Variants in ABCC9 observed in about 807,000 individuals in gnomAD.
ABCC9 encodes ATP binding cassette subfamily C member 9.
Under a neutral mutation model 188.3 loss-of-function variants are expected in ABCC9, and 95 were observed. That is an observed-to-expected ratio of 0.50 (90% confidence interval 0.43 to 0.60). ABCC9 has a LOEUF of 0.60. Among genes scored for constraint, ABCC9 ranks in the 20% least tolerant of loss-of-function variants. ABCC9 has a pLI of 0.00. For missense variants in ABCC9, 1,102 were observed against 1,876.3 expected, an observed-to-expected ratio of 0.59 and a Z score of 7.62; for synonymous variants, 659 against 652.7, an observed-to-expected ratio of 1.01 and a Z score of -0.15.
chr12:21,915,572 G>T, intron 7 of ABCC9, 96 bp downstream of exon 7: 1 of 1,320,790 alleles, frequency 7.6e-7, no homozygotes, highest in Non-Finnish European at 1.0e-6. Flanking sequence ...GAGTGCAGTG[G>T]CCCAATCCTG....
chr12:21,839,234 G>A (rs1421076483), intron 29 of ABCC9, among the ~76,000 whole-genome samples: 1 of 152,178 alleles, frequency 6.6e-6, no homozygotes, highest in Non-Finnish European at 1.5e-5. Context: ...GGGACAGTCA[G>A]AAGAAGCCCT....
chr12:21,904,889 G>A (rs539237756), intron 12 of ABCC9, among the ~76,000 whole-genome samples: 1 of 152,176 alleles, frequency 6.6e-6, no homozygotes, highest in Admixed American at 6.5e-5. Flanking sequence ...CAAGGATCTA[G>A]AACTAGAAAT....
chr12:21,876,220 T>C (rs893107994), intron 16 of ABCC9, among the ~76,000 whole-genome samples: 10 of 152,198 alleles, frequency 6.6e-5, no homozygotes, highest in African/African-American at 2.4e-4. Context: ...TGCGATATTA[T>C]GAAGAATGCT....
At chr12:21,813,756 C>CA (rs2137159615) in intron 35 of ABCC9, among the ~76,000 whole-genome samples, 1 of 152,106 alleles carries the variant, frequency 6.6e-6, no homozygotes, top group East Asian at 1.9e-4. Context: ...ATCTGAACCC[C>CA]AAAAAAACTA....
intron 22 of ABCC9, among the ~76,000 whole-genome samples, chr12:21,853,364 A>C (rs1945066125): frequency 6.6e-6 from 1 of 152,108 alleles, no homozygotes; most frequent in Non-Finnish European, 1.5e-5. Flanking sequence ...ACTGGATCAT[A>C]ACAGGACTTA....
chr12:21,925,346 A>T (rs1949003619), intron 5 of ABCC9: 1 of 554,120 alleles, frequency 1.8e-6, no homozygotes, highest in Admixed American at 3.0e-5. Context: ...GAAGCAAGAG[A>T]GGCTAATAAA....
intron 34 of ABCC9, 73 bp downstream of exon 34, chr12:21,815,690 G>A (rs1942565199): frequency 6.4e-7 from 1 of 1,574,066 alleles, no homozygotes; most frequent in Admixed American, 1.7e-5. Flanking sequence ...AGTATGAAGA[G>A]CTTAGGTAGT....
intron 19 of ABCC9, among the ~76,000 whole-genome samples, chr12:21,864,213 G>A (rs1335165567): frequency 4.6e-5 from 7 of 152,090 alleles, no homozygotes; most frequent in South Asian, 2.1e-4. Context: ...GTTGGGACAC[G>A]TGTGACTCAG....
intron 30 of ABCC9, chr12:21,830,955 T>C (rs890597084): frequency 2.0e-5 from 3 of 146,726 alleles, no homozygotes; most frequent in Non-Finnish European, 4.5e-5. Context: ...ACTGAAACAA[T>C]GAACATGAAC....
intron 17 of ABCC9, among the ~76,000 whole-genome samples, chr12:21,873,639 G>T (rs1344664107): frequency 2.0e-5 from 3 of 152,072 alleles, no homozygotes; most frequent in African/African-American, 2.4e-5. Context: ...AAAGCTGGAG[G>T]TATCACACTT....
At chr12:21,837,726 A>G (rs1472664027) in intron 30 of ABCC9, among the ~76,000 whole-genome samples, 1 of 152,184 alleles carries the variant, frequency 6.6e-6, no homozygotes, top group Admixed American at 6.5e-5. Context: ...AGTGTGGTTA[A>G]TACTTCGCAG....
chr12:21,876,124 G>A (rs1173491914), intron 16 of ABCC9, among the ~76,000 whole-genome samples: 1 of 152,082 alleles, frequency 6.6e-6, no homozygotes, highest in African/African-American at 2.4e-5. Context: ...ACACACAACG[G>A]TGAAATTCTG....
At position 21,805,314 on chromosome 12, in the gene ABCC9, G is replaced by A. The variant is rs770708201; in HGVS notation, c.4512+684C>T. The stretch of plus-strand genomic sequence containing the variant: ...TCCATAATAGAAGAGACACGGTGCT[G>A]GAGAGAAAAATAGAAAAGAAGAGAA... On this transcript the variant is annotated intron_variant, in intron 39 of 39. Transcript: ENST00000261200. 4.3e-6 allele frequency: 7 copies of A among 1,613,348 alleles called. No homozygotes were observed. Among genetic ancestry groups the A allele is most frequent in the Middle Eastern group, 1.6e-4 (1 of 6,080 alleles).
Position 21,815,750 on chromosome 12 carries a change from A to C in ABCC9, c.4023+13T>G, listed in dbSNP as rs1455127480. Reference sequence around the variant, plus strand: ...TTTATGTATACAACATATCAAATGCAGTGATTTCATACCTTTTGTCCAGGT... The same window carrying C: ...TTTATGTATACAACATATCAAATGCCGTGATTTCATACCTTTTGTCCAGGT... On this transcript the variant is annotated intron_variant, in intron 34 of 39. Transcript: ENST00000261200. The C allele has an allele frequency of 1.2e-6, 2 of 1,611,946 alleles. No homozygotes were observed. The highest frequency in any genetic ancestry group is 1.7e-6 in the Non-Finnish European group (2 of 1,178,954).
intron 4 of ABCC9, among the ~76,000 whole-genome samples, chr12:21,932,875 C>G (rs1949342424): frequency 6.6e-6 from 1 of 151,672 alleles, no homozygotes; most frequent in Admixed American, 6.6e-5. Context: ...CACAGCAATC[C>G]CATTATTGGG....
chr12:21,885,489 A>G (rs1946827165), intron 15 of ABCC9, among the ~76,000 whole-genome samples: 1 of 152,100 alleles, frequency 6.6e-6, no homozygotes, highest in African/African-American at 2.4e-5. Flanking sequence ...GACCTCCTAT[A>G]TGCCGTTTCT....
chr12:21,916,619 C>G (rs1669375659), intron 6 of ABCC9, among the ~76,000 whole-genome samples: 1 of 152,138 alleles, frequency 6.6e-6, no homozygotes, highest in South Asian at 2.1e-4. Context: ...CCCAGGTGTG[C>G]TTTGAGACCA....
chr12:21,823,742 G>C (rs986807393), intron 31 of ABCC9, among the ~76,000 whole-genome samples: 2 of 152,188 alleles, frequency 1.3e-5, no homozygotes, highest in Admixed American at 6.5e-5. Context: ...GGGATGAAGA[G>C]AAAAGACTGT....
intron 2 of ABCC9, among the ~76,000 whole-genome samples, chr12:21,939,333 T>C (rs992148770): frequency 3.9e-5 from 6 of 152,186 alleles, no homozygotes; most frequent in Non-Finnish European, 8.8e-5. Flanking sequence ...AGAGTCCATG[T>C]GGCACTCTAA....
Sources: allele counts gnomAD v4.1 joint callset (sites outside exome capture counted in the v4.1 genomes callset), GRCh38; gene constraint gnomAD v4.1.1; transcripts MANE v1.5; gene names NCBI Gene and HGNC (gene_info 2026-07-23, HGNC 2026-07-21).